The following RABGAP1 variants were observed in gnomAD, a reference collection of about 807,000 sequenced individuals.
The protein encoded by RABGAP1 is rab GTPase-activating protein 1.
A neutral mutation model predicts 137.6 loss-of-function variants in RABGAP1; 23 were observed. The observed-to-expected ratio is 0.17, with a 90% confidence interval of 0.12 to 0.24. The LOEUF is 0.24. Among genes scored for constraint, RABGAP1 ranks in the 10% least tolerant of loss-of-function variants. The pLI, the probability that RABGAP1 is intolerant of heterozygous loss-of-function variation, is 1.00. For missense variants in RABGAP1, 906 were observed against 1,275.8 expected (o/e 0.71, Z 4.42); for synonymous variants, 451 against 450.7 (o/e 1.00, Z -0.01).
intron 2 of RABGAP1, among the ~76,000 whole-genome samples, chr9:122,965,130 G>A (rs1835070178): frequency 6.6e-6 from 1 of 152,168 alleles, no homozygotes; most frequent in African/African-American, 2.4e-5. Flanking sequence ...TAAACAAAAT[G>A]TAGTATACAA....
intron 4 of RABGAP1, among the ~76,000 whole-genome samples, chr9:122,988,688 C>G (rs1399813433): frequency 2.0e-5 from 3 of 151,828 alleles, no homozygotes; most frequent in Non-Finnish European, 2.9e-5. Context: ...TGGCTTATGC[C>G]TGTAATCCCA....
intron 1 of RABGAP1, among the ~76,000 whole-genome samples, chr9:122,954,750 C>T (rs1400115367): frequency 6.6e-6 from 1 of 152,152 alleles, no homozygotes; most frequent in African/African-American, 2.4e-5. Flanking sequence ...TGGGACAAGG[C>T]CCAAATTTGT....
At chr9:123,063,628 C>T (rs1237862727) in intron 13 of RABGAP1, among the ~76,000 whole-genome samples, 1 of 152,196 alleles carries the variant, frequency 6.6e-6, no homozygotes, top group African/African-American at 2.4e-5. Context: ...GCCCTGAGGG[C>T]TAGTAATGTT....
At chr9:122,988,762 A>T (rs972829034) in intron 4 of RABGAP1, among the ~76,000 whole-genome samples, 3 of 151,938 alleles carry the variant, frequency 2.0e-5, no homozygotes, top group Non-Finnish European at 4.4e-5. Flanking sequence ...ATTCTGGCTA[A>T]CCTGCCCTGT....
At chr9:122,985,327 CAGTT>C (rs941642565) in intron 3 of RABGAP1, among the ~76,000 whole-genome samples, 19 of 152,224 alleles carry the variant, frequency 1.2e-4, no homozygotes, top group African/African-American at 1.9e-4. Flanking sequence ...AGAAAGATGA[CAGTT>C]AGGCCGGGCG....
intron 13 of RABGAP1, among the ~76,000 whole-genome samples, chr9:123,039,388 C>T (rs1323929194): frequency 2.0e-5 from 3 of 152,086 alleles, no homozygotes; most frequent in Non-Finnish European, 2.9e-5. Flanking sequence ...TGACCTAGGA[C>T]CTGGCTCAGA....
chr9:123,048,814 T>G (rs1237325725), intron 13 of RABGAP1, among the ~76,000 whole-genome samples: 1 of 152,220 alleles, frequency 6.6e-6, no homozygotes, highest in East Asian at 1.9e-4. Context: ...GGCCTCTCCA[T>G]GATGGATTGC....
chr9:123,083,407 G>T (rs2034773527), intron 19 of RABGAP1, among the ~76,000 whole-genome samples: 1 of 152,152 alleles, frequency 6.6e-6, no homozygotes. Context: ...ATTTTATGAG[G>T]AAACTTCTGA....
chr9:123,010,563 G>T, intron 11 of RABGAP1, 35 bp downstream of exon 11: 5 of 1,568,966 alleles, frequency 3.2e-6, no homozygotes, highest in Non-Finnish European at 4.4e-6. Context: ...TATTTTTGGG[G>T]GTGGAAGACC....
chr9:123,030,152 C>T (rs965829242), intron 13 of RABGAP1, among the ~76,000 whole-genome samples: 3 of 151,998 alleles, frequency 2.0e-5, no homozygotes, highest in Admixed American at 6.6e-5. Context: ...TCGGTAAGTT[C>T]GTAATTATAT....
At chr9:123,000,211 CTG>C (rs1298336237) in intron 10 of RABGAP1, among the ~76,000 whole-genome samples, 1 of 152,032 alleles carries the variant, frequency 6.6e-6, no homozygotes, top group African/African-American at 2.4e-5. Flanking sequence ...ATTGTAGAGA[CTG>C]TATTCTGTTA....
chr9:123,020,520 C>G, intron 13 of RABGAP1, 61 bp downstream of exon 13: 1 of 1,350,444 alleles, frequency 7.4e-7, no homozygotes, highest in Non-Finnish European at 9.7e-7. Context: ...ATGAAAAGAT[C>G]ATTATAGTTA....
At chr9:122,975,768 GC>G (rs1835731613) in intron 2 of RABGAP1, among the ~76,000 whole-genome samples, 1 of 152,170 alleles carries the variant, frequency 6.6e-6, no homozygotes, top group Admixed American at 6.5e-5. Flanking sequence ...ACGATACAGT[GC>G]CTGAAATATA....
At chr9:123,023,557 A>G (rs1044791205) in intron 13 of RABGAP1, among the ~76,000 whole-genome samples, 3 of 152,072 alleles carry the variant, frequency 2.0e-5, no homozygotes, top group Admixed American at 6.6e-5. Context: ...TCGTTCATCT[A>G]TTTTGAGAGT....
chr9:122,945,745 T>G (rs1833912289), intron 1 of RABGAP1, among the ~76,000 whole-genome samples: 1 of 152,226 alleles, frequency 6.6e-6, no homozygotes, highest in Non-Finnish European at 1.5e-5. Context: ...TGTACCTAAA[T>G]CTGGCATTTC....
chr9:123,061,537 C>T (rs896428256), intron 13 of RABGAP1, among the ~76,000 whole-genome samples: 11 of 152,142 alleles, frequency 7.2e-5, no homozygotes, highest in African/African-American at 2.2e-4. Context: ...GCTTGCAAAG[C>T]CAAAAATTTT....
chr9:122,963,497 A>C (rs1834964415), intron 2 of RABGAP1, among the ~76,000 whole-genome samples: 2 of 152,142 alleles, frequency 1.3e-5, no homozygotes, highest in South Asian at 4.1e-4. Context: ...TCACTACTAC[A>C]GGGAAATTAA....
chr9:123,029,291 T>C (rs1363663589), intron 13 of RABGAP1: 3 of 558,940 alleles, frequency 5.4e-6, no homozygotes, highest in African/African-American at 3.8e-5. Flanking sequence ...TAAAATAATA[T>C]GTTAATTAAT....
Position 122,990,227 on chromosome 9 carries a change from T to C in RABGAP1, c.923+14T>C. Reference sequence around the variant, plus strand: ...AGGTTATTTTAGGTAGGGAATCTTATTTTATTCATGTATTAACATGCTGTG... The same window carrying C: ...AGGTTATTTTAGGTAGGGAATCTTACTTTATTCATGTATTAACATGCTGTG... On this transcript the variant is annotated intron_variant, in intron 6 of 25. Coordinates refer to ENST00000373647, the MANE Select transcript of RABGAP1 (RefSeq NM_012197.4). 5 of 1,577,160 alleles carry C rather than the reference T, an allele frequency of 3.2e-6. No homozygotes were observed. Among genetic ancestry groups the C allele is most frequent in the South Asian group, 2.2e-5 (2 of 89,266 alleles).
Sources: gnomAD v4.1 joint callset for allele counts (sites outside exome capture counted in the v4.1 genomes callset) on GRCh38, gnomAD v4.1.1 for gene constraint, MANE v1.5 for transcripts, NCBI Gene and HGNC (gene_info 2026-07-23, HGNC 2026-07-21) for gene names.